The following NALF1 variants were observed in gnomAD, a reference collection of about 807,000 sequenced individuals.
The protein encoded by NALF1 is family with sequence similarity 155 member A.
A neutral mutation model predicts 48.4 loss-of-function variants in NALF1; 3 were observed. That is an observed-to-expected ratio of 0.06 (90% confidence interval 0.03 to 0.16). The LOEUF (loss-of-function observed/expected upper bound fraction) is 0.16, where lower values mean the gene tolerates loss of function less well. Among genes scored for constraint, NALF1 ranks in the 10% least tolerant of loss-of-function variants. The pLI, the probability that NALF1 is intolerant of heterozygous loss-of-function variation, is 1.00. For missense variants in NALF1, 526 were observed against 571.5 expected (o/e 0.92, Z 0.81); for synonymous variants, 262 against 245.7 (o/e 1.07, Z -0.62).
At chr13:107,644,409 G>A (rs1319863809) in intron 1 of NALF1, among the ~76,000 whole-genome samples, 19 of 149,824 alleles carry the variant, frequency 1.3e-4, no homozygotes, top group African/African-American at 4.2e-4. Flanking sequence ...TTACAGACAC[G>A]GAAACTCAGG....
chr13:107,287,932 C>CGT (rs1456847599), intron 1 of NALF1, among the ~76,000 whole-genome samples: 1 of 151,826 alleles, frequency 6.6e-6, no homozygotes, highest in East Asian at 2.0e-4. Context: ...GTCTTGAACT[C>CGT]TTGACCTCAA....
intron 1 of NALF1, among the ~76,000 whole-genome samples, chr13:107,351,761 A>T (rs975569713): frequency 6.6e-6 from 1 of 152,128 alleles, no homozygotes; most frequent in Non-Finnish European, 1.5e-5. Flanking sequence ...AATTTTCTCT[A>T]GTGTCTTTTT....
chr13:107,443,267 G>A (rs1355367089), intron 1 of NALF1, among the ~76,000 whole-genome samples: 3 of 152,030 alleles, frequency 2.0e-5, no homozygotes, highest in Non-Finnish European at 4.4e-5. Flanking sequence ...CCAGGCTGGA[G>A]TGCAATAGTG....
chr13:107,716,583 T>C (rs1031334758), intron 1 of NALF1, among the ~76,000 whole-genome samples: 2 of 152,186 alleles, frequency 1.3e-5, no homozygotes, highest in Non-Finnish European at 2.9e-5. Flanking sequence ...CATTTACAAA[T>C]CTTTACAGGG....
intron 1 of NALF1, among the ~76,000 whole-genome samples, chr13:107,528,792 G>C (rs566432483): frequency 1.1e-4 from 16 of 152,240 alleles, no homozygotes; most frequent in African/African-American, 3.6e-4. Flanking sequence ...TTGTCATCAC[G>C]ACGATTCATT....
At chr13:107,798,103 T>C (rs1445292553) in intron 1 of NALF1, among the ~76,000 whole-genome samples, 1 of 152,214 alleles carries the variant, frequency 6.6e-6, no homozygotes, top group African/African-American at 2.4e-5. Context: ...AAAGGATTCA[T>C]AATTTTCCCC....
Position 107,170,366 on chromosome 13 carries a change from TTTAAA to T in NALF1, c.*126_*130del, listed in dbSNP as rs1380368468. The T allele has an allele frequency of 3.6e-6, 3 of 828,180 alleles. No homozygotes were observed. The highest frequency in any genetic ancestry group is 5.5e-6 in the Non-Finnish European group (3 of 541,116). The allele number at this position is 828,180 out of a possible 1,614,324, so 51.3% of individuals were successfully genotyped here. A position where few individuals can be genotyped will look rare whatever the true frequency, so the allele number is the denominator to read the frequency against. On this transcript the variant is annotated 3_prime_UTR_variant, in exon 3 of 3. Transcript: ENST00000375915. Reference sequence around the variant, plus strand: ...CCTTGTTTGGATTCAGGCCCATCTGTTTAAATTTTACCCTAAAGGCCTTGCAATAA... The same window carrying T: ...CCTTGTTTGGATTCAGGCCCATCTGTTTTTACCCTAAAGGCCTTGCAATAA...
chr13:107,284,663 C>T (rs569645142), intron 1 of NALF1, among the ~76,000 whole-genome samples: 32 of 152,142 alleles, frequency 2.1e-4, no homozygotes, highest in Non-Finnish European at 3.8e-4. Flanking sequence ...GGTTTAGATG[C>T]GGTCATAAAG....
intron 1 of NALF1, among the ~76,000 whole-genome samples, chr13:107,754,359 ACAC>A (rs1877027795): frequency 5.5e-5 from 2 of 36,206 alleles, no homozygotes; most frequent in Non-Finnish European, 9.2e-5. Flanking sequence ...TTGTGAACAC[ACAC>A]ACACACACAC....
At chr13:107,386,614 T>A (rs1383328022) in intron 1 of NALF1, among the ~76,000 whole-genome samples, 1 of 152,216 alleles carries the variant, frequency 6.6e-6, no homozygotes, top group Non-Finnish European at 1.5e-5. Flanking sequence ...TCCTTGACAA[T>A]CACCTGCCTC....
At chr13:107,624,035 T>C (rs984500857) in intron 1 of NALF1, among the ~76,000 whole-genome samples, 5 of 152,172 alleles carry the variant, frequency 3.3e-5, no homozygotes, top group African/African-American at 7.2e-5. Flanking sequence ...CAGCCCCTAT[T>C]TGCACAGTAC....
At chr13:107,250,216 C>T (rs75731403) in intron 1 of NALF1, among the ~76,000 whole-genome samples, 6,286 of 152,042 alleles carry the variant, frequency 0.041, 342 homozygotes, top group African/African-American at 0.12. Context: ...GCTAGTTATA[C>T]ACCAGAAACC....
chr13:107,416,581 G>A (rs1441954855), intron 1 of NALF1, among the ~76,000 whole-genome samples: 1 of 151,942 alleles, frequency 6.6e-6, no homozygotes, highest in African/African-American at 2.4e-5. Context: ...AGCTTAACTT[G>A]TTGCAAGATA....
chr13:107,281,361 T>C (rs1881382805), intron 1 of NALF1, among the ~76,000 whole-genome samples: 1 of 152,210 alleles, frequency 6.6e-6, no homozygotes, highest in African/African-American at 2.4e-5. Context: ...AAAACTATCA[T>C]AGAAAATGTG....
intron 1 of NALF1, among the ~76,000 whole-genome samples, chr13:107,300,069 G>A (rs1345863126): frequency 6.6e-6 from 1 of 152,190 alleles, no homozygotes; most frequent in Non-Finnish European, 1.5e-5. Context: ...ATTTGCAGGG[G>A]GCTGGAGGTC....
intron 2 of NALF1, among the ~76,000 whole-genome samples, chr13:107,206,873 TC>T: frequency 6.6e-6 from 1 of 152,316 alleles, no homozygotes; most frequent in Non-Finnish European, 1.5e-5. Flanking sequence ...AAGTGAAGAA[TC>T]CTCGATATCC....
chr13:107,709,303 G>A (rs547202612), intron 1 of NALF1, among the ~76,000 whole-genome samples: 3 of 152,220 alleles, frequency 2.0e-5, no homozygotes, highest in Non-Finnish European at 2.9e-5. Flanking sequence ...AATTTTCTAC[G>A]GCAGAAGAGG....
At chr13:107,573,207 T>C (rs1421427989) in intron 1 of NALF1, among the ~76,000 whole-genome samples, 2 of 152,184 alleles carry the variant, frequency 1.3e-5, no homozygotes, top group Admixed American at 1.3e-4. Context: ...ACAGAATTGC[T>C]TCCAATGGTA....
At chr13:107,315,269 T>C (rs142342675) in intron 1 of NALF1, among the ~76,000 whole-genome samples, 77 of 152,184 alleles carry the variant, frequency 5.1e-4, no homozygotes, top group South Asian at 8.3e-4. Context: ...AATATAAAGA[T>C]GTACCCTGCT....
Sources: gnomAD v4.1 joint callset for allele counts (sites outside exome capture counted in the v4.1 genomes callset) on GRCh38, gnomAD v4.1.1 for gene constraint, MANE v1.5 for transcripts, NCBI Gene and HGNC (gene_info 2026-07-23, HGNC 2026-07-21) for gene names.